Variants in UGT1A9 observed in about 807,000 individuals in gnomAD.
The protein encoded by UGT1A9 is UDP-glucuronosyltransferase 1A9.
In UGT1A9, 35 loss-of-function variants were observed where a neutral mutation model predicts 45.0. That is an observed-to-expected ratio of 0.78 (90% CI 0.59 to 1.03). UGT1A9 has a LOEUF of 1.03. UGT1A9 is among the 50% of genes least tolerant of loss of function. The pLI, the probability that UGT1A9 is intolerant of heterozygous loss-of-function variation, is 0.00. For synonymous variants in UGT1A9, 278 were observed against 250.6 expected (o/e 1.11, Z -1.03); for missense variants, 687 against 666.6 (o/e 1.03, Z -0.34).
rs1379910572 is a variant in UGT1A9 at position 233,693,554 on chromosome 2, A to G, written c.855+20765A>G. 5 of 1,614,194 alleles carry G rather than the reference A, an allele frequency of 3.1e-6. No homozygotes were observed. The East Asian group carries it at 1.1e-4, about 36-fold the overall frequency. On this transcript the variant is annotated intron_variant, in intron 1 of 4. Transcript: ENST00000354728. ...GTGTTCCCTGGAGCATACATTCAGCAGAAGCCCAGACCCTGTGTCCTACAT... is the reference window on the plus strand; with the variant it reads ...GTGTTCCCTGGAGCATACATTCAGCGGAAGCCCAGACCCTGTGTCCTACAT...
intron 1 of UGT1A9, among the ~76,000 whole-genome samples, chr2:233,756,977 A>G (rs1696373315): frequency 6.6e-6 from 1 of 152,008 alleles, no homozygotes; most frequent in South Asian, 2.1e-4. Flanking sequence ...CACGCAATGA[A>G]CAGTCATAGT....
chr2:233,743,880 G>C (rs754311427), intron 1 of UGT1A9: 1 of 1,366,528 alleles, frequency 7.3e-7, no homozygotes, highest in South Asian at 1.1e-5. Flanking sequence ...GATGAGGCCT[G>C]CCGGGGCACG....
intron 1 of UGT1A9, among the ~76,000 whole-genome samples, chr2:233,685,905 A>G (rs902693787): frequency 6.6e-6 from 1 of 152,240 alleles, no homozygotes; most frequent in Non-Finnish European, 1.5e-5. Flanking sequence ...CTCATTTTCA[A>G]TCCATCATTA....
chr2:233,693,309 G>A (rs1394238379), intron 1 of UGT1A9: 4 of 1,614,038 alleles, frequency 2.5e-6, no homozygotes, highest in Middle Eastern at 1.6e-4. Flanking sequence ...TTTGCTGAGC[G>A]ATCATTCCTA....
At chr2:233,767,613 G>C (rs1438949419) in intron 2 of UGT1A9, among the ~76,000 whole-genome samples, 4 of 152,108 alleles carry the variant, frequency 2.6e-5, no homozygotes, top group African/African-American at 9.7e-5. Flanking sequence ...AAAATCCTAA[G>C]TGCACAGCTT....
At chr2:233,688,505 C>A (rs2074897522) in intron 1 of UGT1A9, among the ~76,000 whole-genome samples, 1 of 152,100 alleles carries the variant, frequency 6.6e-6, no homozygotes, top group Non-Finnish European at 1.5e-5. Context: ...ATGTCACATG[C>A]AGTGAAATGC....
intron 1 of UGT1A9, among the ~76,000 whole-genome samples, chr2:233,753,922 T>C (rs1212078671): frequency 6.6e-6 from 1 of 152,180 alleles, no homozygotes; most frequent in African/African-American, 2.4e-5. Flanking sequence ...TTCAGCTCAG[T>C]GATATGGGAT....
chr2:233,683,204 T>C (rs1391905237), intron 1 of UGT1A9, among the ~76,000 whole-genome samples: 2 of 152,198 alleles, frequency 1.3e-5, no homozygotes, highest in Admixed American at 1.3e-4. Flanking sequence ...AAATTGTCAC[T>C]TCTATTTTAT....
At chr2:233,772,049 G>A (rs371064452) in intron 4 of UGT1A9, among the ~76,000 whole-genome samples, 4 of 152,178 alleles carry the variant, frequency 2.6e-5, no homozygotes, top group African/African-American at 9.7e-5. Context: ...GGAGTTGGAG[G>A]CTGCAGTTAG....
intron 1 of UGT1A9, chr2:233,754,823 A>T (rs1695601999): frequency 7.5e-7 from 1 of 1,338,226 alleles, no homozygotes; most frequent in South Asian, 1.2e-5. Flanking sequence ...CACCCTCAAA[A>T]GCTGGAAATT....
chr2:233,766,548 C>T (rs547504981), intron 1 of UGT1A9, among the ~76,000 whole-genome samples: 152 of 152,318 alleles, frequency 1.0e-3, no homozygotes, highest in African/African-American at 3.6e-3. Flanking sequence ...AAATGCCTGT[C>T]CTCACCTAGG....
chr2:233,764,256 T>A (rs367961142), intron 1 of UGT1A9, among the ~76,000 whole-genome samples: 39 of 152,260 alleles, frequency 2.6e-4, no homozygotes, highest in African/African-American at 9.4e-4. Context: ...TCAGTTAATA[T>A]GTTGCTTCAC....
intron 1 of UGT1A9, among the ~76,000 whole-genome samples, chr2:233,714,483 T>C (rs2076389981): frequency 6.6e-6 from 1 of 152,204 alleles, no homozygotes; most frequent in Admixed American, 6.5e-5. Context: ...GAATGTTTCT[T>C]GTGAAGACAC....
At chr2:233,764,672 GA>G (rs1265405107) in intron 1 of UGT1A9, among the ~76,000 whole-genome samples, 2 of 152,116 alleles carry the variant, frequency 1.3e-5, no homozygotes, top group Non-Finnish European at 2.9e-5. Context: ...ACGCTCAGAA[GA>G]AAGAACTTGA....
intron 1 of UGT1A9, among the ~76,000 whole-genome samples, chr2:233,759,764 A>G (rs1348961231): frequency 6.6e-6 from 1 of 152,112 alleles, no homozygotes; most frequent in Non-Finnish European, 1.5e-5. Context: ...GACTCAATAA[A>G]TATTGTTGGA....
intron 1 of UGT1A9, among the ~76,000 whole-genome samples, chr2:233,758,818 TC>T (rs963233717): frequency 6.6e-6 from 1 of 151,974 alleles, no homozygotes; most frequent in South Asian, 2.1e-4. Context: ...CAGCAGTATA[TC>T]CCCCCCAAAA....
At chr2:233,688,504 G>A (rs2074897339) in intron 1 of UGT1A9, among the ~76,000 whole-genome samples, 1 of 152,122 alleles carries the variant, frequency 6.6e-6, no homozygotes, top group Non-Finnish European at 1.5e-5. Context: ...AATGTCACAT[G>A]CAGTGAAATG....
At chr2:233,712,094 C>T (rs961406471) in intron 1 of UGT1A9, among the ~76,000 whole-genome samples, 7 of 152,220 alleles carry the variant, frequency 4.6e-5, no homozygotes, top group South Asian at 2.1e-4. Flanking sequence ...GATGAATGGA[C>T]ACTTCAGTCT....
chr2:233,714,585 C>A (rs1055592636), intron 1 of UGT1A9, among the ~76,000 whole-genome samples: 7 of 152,290 alleles, frequency 4.6e-5, no homozygotes, highest in African/African-American at 1.7e-4. Context: ...ATAATTTAAA[C>A]TTTTCTAGTG....
Sources: allele counts gnomAD v4.1 joint callset (sites outside exome capture counted in the v4.1 genomes callset), GRCh38; gene constraint gnomAD v4.1.1; transcripts MANE v1.5; gene names NCBI Gene and HGNC (gene_info 2026-07-23, HGNC 2026-07-21).